The following NOS1AP variants were observed in gnomAD, a reference collection of about 807,000 sequenced individuals.
NOS1AP encodes carboxyl-terminal PDZ ligand of neuronal nitric oxide synthase protein.
NOS1AP carries 21 observed loss-of-function variants against 56.2 expected under a neutral mutation model. The observed-to-expected ratio is 0.37, with a 90% CI of 0.26 to 0.54. The LOEUF is 0.54. NOS1AP is among the 20% of genes least tolerant of loss of function. The pLI, the probability that NOS1AP is intolerant of heterozygous loss-of-function variation, is 0.84. For synonymous variants in NOS1AP, 270 were observed against 274.6 expected (o/e 0.98, Z 0.17); for missense variants, 522 against 657.8 (o/e 0.79, Z 2.26).
At chr1:162,264,276 T>G (rs1359029163) in intron 2 of NOS1AP, among the ~76,000 whole-genome samples, 1 of 152,118 alleles carries the variant, frequency 6.6e-6, no homozygotes, top group Non-Finnish European at 1.5e-5. Context: ...ACTAATGTCC[T>G]CATTGTCTTT....
chr1:162,200,972 T>C (rs964654444), intron 2 of NOS1AP, among the ~76,000 whole-genome samples: 1 of 152,216 alleles, frequency 6.6e-6, no homozygotes, highest in African/African-American at 2.4e-5. Context: ...ACATGTGTCA[T>C]AGGGGTTTGT....
chr1:162,253,300 G>C (rs991677013), intron 2 of NOS1AP, among the ~76,000 whole-genome samples: 1 of 152,150 alleles, frequency 6.6e-6, no homozygotes, highest in Admixed American at 6.5e-5. Context: ...CTAGAACTGT[G>C]AGAAATTTCT....
chr1:162,300,567 G>A (rs1042744199), intron 3 of NOS1AP, 66 bp from the exon 4 acceptor site: 3 of 1,363,610 alleles, frequency 2.2e-6, no homozygotes, highest in Non-Finnish European at 3.2e-6. Context: ...GTTTGCATAA[G>A]TATGCATAGC....
chr1:162,222,332 C>A (rs1652810380), intron 2 of NOS1AP, among the ~76,000 whole-genome samples: 1 of 152,198 alleles, frequency 6.6e-6, no homozygotes, highest in South Asian at 2.1e-4. Flanking sequence ...CGGCTAGTAT[C>A]ATAAATTTCT....
intron 2 of NOS1AP, among the ~76,000 whole-genome samples, chr1:162,158,271 G>A (rs566565572): frequency 1.3e-5 from 2 of 152,090 alleles, no homozygotes; most frequent in African/African-American, 4.8e-5. Context: ...GGCTTATTTC[G>A]CTTAGCATAA....
intron 2 of NOS1AP, among the ~76,000 whole-genome samples, chr1:162,267,950 T>G (rs1654476209): frequency 6.6e-6 from 1 of 151,584 alleles, no homozygotes; most frequent in Non-Finnish European, 1.5e-5. Flanking sequence ...AAGGTGGGAG[T>G]GAGGTGCCAT....
intron 3 of NOS1AP, among the ~76,000 whole-genome samples, chr1:162,299,138 A>T (rs1655561683): frequency 1.3e-5 from 2 of 152,238 alleles, no homozygotes; most frequent in Admixed American, 1.3e-4. Flanking sequence ...TTTGGACTTT[A>T]ACTCTGAAGA....
chr1:162,193,541 T>C (rs901986592), intron 2 of NOS1AP, among the ~76,000 whole-genome samples: 4 of 152,192 alleles, frequency 2.6e-5, no homozygotes, highest in East Asian at 3.8e-4. Context: ...GAATTTGTGC[T>C]GATGGATTAT....
chr1:162,366,250 TGGAC>T (rs1658081651), intron 9 of NOS1AP, among the ~76,000 whole-genome samples: 1 of 152,170 alleles, frequency 6.6e-6, no homozygotes, highest in Non-Finnish European at 1.5e-5. Flanking sequence ...GTGTGGGCTG[TGGAC>T]CAGCAAATAG....
intron 2 of NOS1AP, among the ~76,000 whole-genome samples, chr1:162,156,166 T>G (rs1255554454): frequency 6.6e-6 from 1 of 152,216 alleles, no homozygotes; most frequent in Non-Finnish European, 1.5e-5. Flanking sequence ...TTATTGAGAC[T>G]GCTATTAAAT....
At chr1:162,191,676 C>T (rs901488673) in intron 2 of NOS1AP, among the ~76,000 whole-genome samples, 3 of 151,964 alleles carry the variant, frequency 2.0e-5, no homozygotes, top group Non-Finnish European at 4.4e-5. Flanking sequence ...TCTTCCTCCC[C>T]CATTGATAAG....
intron 3 of NOS1AP, among the ~76,000 whole-genome samples, chr1:162,295,961 A>G (rs570931644): frequency 1.8e-4 from 27 of 152,232 alleles, no homozygotes; most frequent in African/African-American, 6.3e-4. Flanking sequence ...TTCTTGGACT[A>G]TCATTCAGGC....
rs1809973 is a variant in NOS1AP, at chr1:162,365,091, T to C, written c.940-313T>C. 3,297 of 1,336,224 alleles carry C rather than the reference T, an allele frequency of 2.5e-3. 9 individuals carry two copies. The highest frequency in any genetic ancestry group is 0.01 in the African/African-American group (688 of 67,334). The allele number at this position is 1,336,224 out of a possible 1,614,324, so 82.8% of individuals were successfully genotyped here. The stretch of plus-strand genomic sequence containing the variant: ...GTGTGTATATGTGCACGTGTGTGTG[T>C]ACGTGTGTGTGTGTGGCAGGTCTAG... On this transcript the variant is annotated intron_variant, in intron 8 of 9. Coordinates refer to ENST00000361897, the MANE Select transcript of NOS1AP (RefSeq NM_014697.3).
At chr1:162,120,559 C>T (rs4582765) in intron 1 of NOS1AP, among the ~76,000 whole-genome samples, 69,412 of 152,006 alleles carry the variant, frequency 0.46, 17,903 homozygotes, top group East Asian at 0.7. Context: ...TGGCAGAAGA[C>T]GAAAGTCATG....
chr1:162,255,469 A>C (rs1012377507), intron 2 of NOS1AP, among the ~76,000 whole-genome samples: 43 of 122,760 alleles, frequency 3.5e-4, no homozygotes, highest in African/African-American at 1.2e-3. Context: ...TTTCAGATGC[A>C]TAGGTTATTT....
At chr1:162,140,037 C>T (rs1649169285) in intron 1 of NOS1AP, among the ~76,000 whole-genome samples, 1 of 152,118 alleles carries the variant, frequency 6.6e-6, no homozygotes. Context: ...CCATCTTGGC[C>T]AGGCTGGTCT....
chr1:162,364,970 G>A, intron 8 of NOS1AP: 2 of 1,046,606 alleles, frequency 1.9e-6, no homozygotes, highest in African/African-American at 1.7e-5. Flanking sequence ...TAGAAGACAG[G>A]ATGAGAAGAG....
rs538134074 is a variant in NOS1AP at position 162,177,888 on chromosome 1, T to C, written c.177+23412T>C. 3.3e-5 allele frequency among the ~76,000 whole-genome samples: 5 copies of C among 152,320 alleles called. No homozygotes were observed. The South Asian group carries it at 1.0e-3, about 32-fold the overall frequency. On this transcript the variant is annotated intron_variant, in intron 2 of 9. Transcript: ENST00000361897. The stretch of plus-strand genomic sequence containing the variant: ...CATAATTGACATGAGGGTTCATTCT[T>C]GGTGTTGTGCATTCTGTGGGTTTGG...
At chr1:162,211,683 C>T (rs562995483) in intron 2 of NOS1AP, among the ~76,000 whole-genome samples, 56 of 152,182 alleles carry the variant, frequency 3.7e-4, no homozygotes, top group African/African-American at 1.3e-3. Context: ...TCCTTGTTTC[C>T]CTGTGTTTTT....
Sources: allele counts gnomAD v4.1 joint callset (sites outside exome capture counted in the v4.1 genomes callset), GRCh38; gene constraint gnomAD v4.1.1; transcripts MANE v1.5; gene names NCBI Gene and HGNC (gene_info 2026-07-23, HGNC 2026-07-21).